The following COL19A1 variants were observed in gnomAD, a reference collection of about 807,000 sequenced individuals.
The protein encoded by COL19A1 is collagen type XIX alpha 1 chain.
COL19A1 carries 159 observed loss-of-function variants against 190.2 expected under a neutral mutation model. The ratio of observed to expected loss-of-function variants is 0.84; its 90% CI spans 0.73 to 0.95. The LOEUF is 0.95. Ranked by LOEUF, COL19A1 falls within the 40% of genes least tolerant of loss-of-function variation. COL19A1 has a pLI of 0.00. For synonymous variants in COL19A1, 509 were observed against 458.9 expected, an observed-to-expected ratio of 1.11 and a Z score of -1.39; for missense variants, 1,418 against 1,431.9, an observed-to-expected ratio of 0.99 and a Z score of 0.16.
chr6:70,097,859 G>A (rs145542206), intron 15 of COL19A1, among the ~76,000 whole-genome samples: 1 of 152,182 alleles, frequency 6.6e-6, no homozygotes, highest in East Asian at 1.9e-4. Context: ...AGTTGCTTCT[G>A]AACAAATGGC....
intron 11 of COL19A1, among the ~76,000 whole-genome samples, chr6:70,003,573 T>C (rs1777411462): frequency 6.6e-6 from 1 of 152,214 alleles, no homozygotes; most frequent in Non-Finnish European, 1.5e-5. Context: ...GGTGCATATA[T>C]ATTTAGAATA....
chr6:70,084,481 G>T (rs778918015), intron 15 of COL19A1, among the ~76,000 whole-genome samples: 1 of 152,164 alleles, frequency 6.6e-6, no homozygotes, highest in Non-Finnish European at 1.5e-5. Flanking sequence ...CAAATGGCCA[G>T]AATACAATAG....
chr6:70,038,249 T>C (rs552243549), intron 14 of COL19A1, among the ~76,000 whole-genome samples: 3 of 152,336 alleles, frequency 2.0e-5, no homozygotes, highest in Admixed American at 2.0e-4. Context: ...CACGCTAAAA[T>C]CTACTGAAGA....
intron 14 of COL19A1, among the ~76,000 whole-genome samples, chr6:70,049,155 G>T (rs1262630847): frequency 6.6e-6 from 1 of 151,832 alleles, no homozygotes; most frequent in Non-Finnish European, 1.5e-5. Context: ...GCCTAAATTT[G>T]AATCAACACT....
chr6:70,095,653 CTG>C (rs1783206771), intron 15 of COL19A1, among the ~76,000 whole-genome samples: 1 of 152,150 alleles, frequency 6.6e-6, no homozygotes, highest in Non-Finnish European at 1.5e-5. Flanking sequence ...TCGTGCAAAA[CTG>C]AAACTCTATA....
At chr6:69,989,426 C>T (rs1776486987) in intron 11 of COL19A1, among the ~76,000 whole-genome samples, 1 of 152,184 alleles carries the variant, frequency 6.6e-6, no homozygotes, top group South Asian at 2.1e-4. Flanking sequence ...TTTTACTTTT[C>T]CCTTGTTCTA....
intron 11 of COL19A1, among the ~76,000 whole-genome samples, chr6:69,990,804 C>A (rs1467997765): frequency 6.6e-6 from 1 of 152,046 alleles, no homozygotes; most frequent in Non-Finnish European, 1.5e-5. Flanking sequence ...AGCCATTGAT[C>A]ATCAATATCT....
intron 11 of COL19A1, among the ~76,000 whole-genome samples, chr6:70,009,203 G>A (rs1374394641): frequency 6.6e-6 from 1 of 151,896 alleles, no homozygotes; most frequent in African/African-American, 2.4e-5. Context: ...TGGAAGAGAA[G>A]AAGAAAGCCC....
At chr6:69,992,285 G>GTTTTGCTT (rs1354038564) in intron 11 of COL19A1, among the ~76,000 whole-genome samples, 1 of 151,714 alleles carries the variant, frequency 6.6e-6, no homozygotes, top group Non-Finnish European at 1.5e-5. Flanking sequence ...GTGCCATACT[G>GTTTTGCTT]AACTTGTAGT....
intron 17 of COL19A1, among the ~76,000 whole-genome samples, chr6:70,122,442 G>A (rs552176839): frequency 1.1e-4 from 16 of 152,206 alleles, no homozygotes; most frequent in East Asian, 7.7e-4. Context: ...TGGGATAGGC[G>A]GAATGCTGAC....
At chr6:69,934,175 T>C (rs1333326654) in intron 7 of COL19A1, among the ~76,000 whole-genome samples, 14 of 152,036 alleles carry the variant, frequency 9.2e-5, no homozygotes, top group Admixed American at 9.2e-4. Context: ...GTTTTGCTTT[T>C]GTAACTTGGC....
At chr6:69,982,474 C>T (rs558518782) in intron 11 of COL19A1, among the ~76,000 whole-genome samples, 5 of 151,904 alleles carry the variant, frequency 3.3e-5, no homozygotes, top group African/African-American at 9.6e-5. Flanking sequence ...CTCCTGACCT[C>T]GTGATCCACC....
At chr6:69,962,993 A>G in intron 11 of COL19A1, 123 bp downstream of exon 11, 1 of 617,972 alleles carries the variant, frequency 1.6e-6, no homozygotes. Flanking sequence ...TATAGACATA[A>G]CTAAAACATT....
intron 18 of COL19A1, among the ~76,000 whole-genome samples, chr6:70,135,018 A>T (rs571287397): frequency 3.5e-4 from 53 of 152,280 alleles, no homozygotes; most frequent in African/African-American, 1.2e-3. Flanking sequence ...CGGGGTCCTT[A>T]TGACCCCGTC....
At chr6:69,906,663 C>T (rs183840759) in intron 4 of COL19A1, among the ~76,000 whole-genome samples, 32 of 152,204 alleles carry the variant, frequency 2.1e-4, no homozygotes, top group African/African-American at 6.5e-4. Context: ...ACATAAATGA[C>T]ATATATGATC....
At chr6:69,884,059 G>A (rs952320003) in intron 2 of COL19A1, among the ~76,000 whole-genome samples, 2 of 152,120 alleles carry the variant, frequency 1.3e-5, no homozygotes, top group Admixed American at 6.5e-5. Flanking sequence ...ACCTGGCCGG[G>A]CTCGGTGGCT....
At chr6:70,152,379 A>G (rs1415884930) in intron 31 of COL19A1, among the ~76,000 whole-genome samples, 1 of 152,144 alleles carries the variant, frequency 6.6e-6, no homozygotes, top group Non-Finnish European at 1.5e-5. Flanking sequence ...AAAAGACTCG[A>G]GTTCCGGCAT....
At chr6:69,986,461 C>T (rs1477752694) in intron 11 of COL19A1, among the ~76,000 whole-genome samples, 1 of 151,932 alleles carries the variant, frequency 6.6e-6, no homozygotes, top group Non-Finnish European at 1.5e-5. Context: ...CTTAAAATGC[C>T]TGTTTCTGAG....
chr6:70,189,336 C>T (rs907893526), intron 47 of COL19A1, among the ~76,000 whole-genome samples: 1 of 152,154 alleles, frequency 6.6e-6, no homozygotes, highest in Non-Finnish European at 1.5e-5. Context: ...TCTAAGTAGG[C>T]TCTGCTTCAT....
Sources: allele counts gnomAD v4.1 joint callset (sites outside exome capture counted in the v4.1 genomes callset), GRCh38; gene constraint gnomAD v4.1.1; transcripts MANE v1.5; gene names NCBI Gene and HGNC (gene_info 2026-07-23, HGNC 2026-07-21).